CHD3: variants seen among roughly 807,000 people sequenced by gnomAD.
CHD3 encodes the protein chromodomain helicase DNA binding protein 3, also known as ATP-dependent chromatin remodeler CHD3.
A neutral mutation model predicts 248.9 loss-of-function variants in CHD3; 52 were observed. That is an observed-to-expected ratio of 0.21 (90% confidence interval 0.17 to 0.26). CHD3 has a LOEUF of 0.26. CHD3 is among the 10% of genes least tolerant of loss of function. The probability of loss-of-function intolerance (pLI) is 1.00; values close to 1 mark genes in which losing one functional copy is unlikely to be tolerated. For missense variants in CHD3, 1,482 were observed against 2,605.8 expected, an observed-to-expected ratio of 0.57 and a Z score of 9.39; for synonymous variants, 985 against 985.2, an observed-to-expected ratio of 1.00 and a Z score of 0.00.
In CHD3 at chr17:7,894,070, G is replaced by A. The variant is rs371364679; in HGVS notation, c.925-45G>A. ...AGGAAGCCAAAGGCCTGGGGAGGGC[G>A]TAGAATGAAGTCTGCCTCACTGACG... On this transcript the variant is annotated intron_variant, in intron 6 of 39. Coordinates refer to ENST00000330494, the MANE Select transcript of CHD3 (RefSeq NM_001005273.3). 7.6e-5 allele frequency: 115 copies of A among 1,506,762 alleles called. No homozygotes were observed. In the African/African-American group the frequency reaches 1.3e-3, roughly 17 times the overall value. 93.3% of individuals were successfully genotyped at this position (1,506,762 alleles called of 1,614,324 possible). A position where few individuals can be genotyped will look rare whatever the true frequency, so the allele number is the denominator to read the frequency against.
chr17:7,891,194 T>C (rs1051356992), intron 4 of CHD3, 130 bp downstream of exon 4: 2 of 1,091,460 alleles, frequency 1.8e-6, no homozygotes, highest in African/African-American at 1.6e-5. Flanking sequence ...CACCAAATTC[T>C]ACACGTCATT....
Position 7,897,917 on chromosome 17 carries a change from G to A in CHD3, c.1920-54G>A. The A allele has an allele frequency of 6.4e-7, 1 of 1,561,730 alleles. No homozygotes were observed. Among genetic ancestry groups the A allele is most frequent in the Non-Finnish European group, 8.7e-7 (1 of 1,155,042 alleles). ...CGTTTCTCAGGCCTTCTTTCTGTTT[G>A]TGATCTGTGCAATATTTTCCTCCTG... On this transcript the variant is annotated intron_variant, in intron 11 of 39. Transcript: ENST00000330494. The surrounding 1 kb of genome is among the most constrained non-coding windows in gnomAD (Gnocchi z 4.8).
In CHD3 at chr17:7,906,548, C is replaced by T. The variant is rs1412603141; in HGVS notation, c.4359-5C>T. 2 of 1,613,754 alleles carry T rather than the reference C, an allele frequency of 1.2e-6. No individual in the cohort carries two copies. Among genetic ancestry groups the T allele is most frequent in the Middle Eastern group, 1.7e-4 (1 of 6,028 alleles). ...TAACCCTCCTCCCACTCCCATGCTC[C>T]TTAGGGCCTATGTGTCTTTGTTCAT... is the stretch of plus-strand genomic sequence containing the variant. On this transcript the variant is annotated splice_region_variant and splice_polypyrimidine_tract_variant and intron_variant, in intron 28 of 39. Transcript: ENST00000330494. The surrounding 1 kb of genome is among the most constrained non-coding windows in gnomAD (Gnocchi z 5.0).
Position 7,902,568 on chromosome 17 carries a change from C to T in CHD3, c.3253-42C>T, listed in dbSNP as rs750540309. The T allele has an allele frequency of 9.0e-6, 12 of 1,326,044 alleles. No homozygotes were observed. In the African/African-American group the frequency reaches 1.0e-4, roughly 11 times the overall value. The allele number at this position is 1,326,044 out of a possible 1,614,324, so 82.1% of individuals were successfully genotyped here. A position where few individuals can be genotyped will look rare whatever the true frequency, so the allele number is the denominator to read the frequency against. ...GTAGTTAGAATAAGCAAGCATCCCA[C>T]CACCTCATTATTGCAGACTCCATCC... On this transcript the variant is annotated intron_variant, in intron 20 of 39. Transcript: ENST00000330494.
Position 7,890,919 on chromosome 17 carries a change from AC to A in CHD3, c.385-19del. 1 of 1,613,752 alleles carries A rather than the reference AC, an allele frequency of 6.2e-7. No individual in the cohort carries two copies. The highest frequency in any genetic ancestry group is 8.5e-7 in the Non-Finnish European group (1 of 1,179,892). On this transcript the variant is annotated intron_variant, in intron 3 of 39. Transcript: ENST00000330494. ...TAGGGGCTGGAGGAGCACCTACTTC[AC>A]CAAAGCCCCTCTCCCGCAGCAAGTG...
chr17:7,886,820 G>A (rs78044421), upstream of CHD3, among the ~76,000 whole-genome samples: 2,843 of 152,180 alleles, frequency 0.019, 39 homozygotes, highest in Middle Eastern at 0.092. This position sits in a 1 kb window ranked among gnomAD's most constrained non-coding sequence, Gnocchi z 4.2. Flanking sequence ...TCTGGGGTGG[G>A]GTGGTGTGGG....
rs1480561843 is a variant in CHD3 at position 7,909,280 on chromosome 17, G to A, written c.5532G>A (p.Gln1844=). The A allele has an allele frequency of 6.4e-7, 1 of 1,561,566 alleles. No individual in the cohort carries two copies. The highest frequency in any genetic ancestry group is 1.2e-5 in the South Asian group (1 of 84,732). The change falls in exon 37 of 40, where the codon CAG becomes CAA. Residue 1844 remains glutamine, a synonymous_variant. Transcript: ENST00000330494. This position sits in a 1 kb window ranked among gnomAD's most constrained non-coding sequence, Gnocchi z 8.1. ...CCGAGTGCCTGGCCGAGAGCCACCA[G>A]CACCTCTCCAAGGAGTCGCTGGCGG... The part of the protein sequence containing the change: ...AEAECLAESH[Q]HLSKESLAGN...
chr17:7,906,460 T>C lies in CHD3; in HGVS notation c.4359-93T>C, dbSNP rs2151635875. ...CCTGGAGCACCTGGGGATTTGGGGG[T>C]TTGGGGGTCCTCAGTCATCCTCGCG... is the stretch of plus-strand genomic sequence containing the variant. On this transcript the variant is annotated intron_variant, in intron 28 of 39. Coordinates refer to ENST00000330494, the MANE Select transcript of CHD3 (RefSeq NM_001005273.3). This position sits in a 1 kb window ranked among gnomAD's most constrained non-coding sequence, Gnocchi z 5.0. The C allele has an allele frequency of 1.5e-6, 2 of 1,377,666 alleles. No individual in the cohort carries two copies. The highest frequency in any genetic ancestry group is 1.2e-5 in the South Asian group (1 of 80,172). 85.3% of individuals were successfully genotyped at this position (1,377,666 alleles called of 1,614,324 possible).
rs1189094833 is a variant in CHD3 at position 7,898,505 on chromosome 17, T to C, written c.2061T>C (p.Ile687=). The C allele has an allele frequency of 2.5e-6, 4 of 1,613,470 alleles. No homozygotes were observed. The highest frequency in any genetic ancestry group is 3.4e-6 in the Non-Finnish European group (4 of 1,179,634). ...CCCACTCTTTTTCCAGAGAACTAAT[T>C]ATGGGGGAAGACCCTGCCCAGCCCC... is the stretch of plus-strand genomic sequence containing the variant. ...KQSYWRHREL[I]MGEDPAQPRK... is the part of the protein sequence containing the mutation. Residue 687 remains isoleucine (I), a synonymous_variant, in exon 13 of 40, where the codon ATT becomes ATC. Coordinates refer to ENST00000330494, the MANE Select transcript of CHD3 (RefSeq NM_001005273.3).
rs754919272 is a variant in CHD3 at position 7,903,043 on chromosome 17, C to T, written c.3477C>T (p.Asn1159=). The change falls in exon 22 of 40, where the codon AAC becomes AAT. Residue 1159 remains asparagine (N), a synonymous_variant. Coordinates refer to ENST00000330494, the MANE Select transcript of CHD3 (RefSeq NM_001005273.3). The surrounding 1 kb of genome is among the most constrained non-coding windows in gnomAD (Gnocchi z 6.8). Reference sequence around the variant, plus strand: ...TCATCATCTTTGATTCTGACTGGAACCCCCATAATGACATCCAGGTGGGAA... The same window carrying T: ...TCATCATCTTTGATTCTGACTGGAATCCCCATAATGACATCCAGGTGGGAA... ...DTVIIFDSDW[N]PHNDIQAFSR... 1.2e-6 allele frequency: 2 copies of T among 1,614,018 alleles called. No homozygotes were observed.
At position 7,903,751 on chromosome 17, in the gene CHD3, C is replaced by A; in HGVS notation, c.3728-74C>A. 1 of 1,507,184 alleles carries A rather than the reference C, an allele frequency of 6.6e-7. No homozygotes were observed. The highest frequency in any genetic ancestry group is 9.1e-7 in the Non-Finnish European group (1 of 1,100,530). The allele number at this position is 1,507,184 out of a possible 1,614,324, so 93.4% of individuals were successfully genotyped here. A position where few individuals can be genotyped will look rare whatever the true frequency, so the allele number is the denominator to read the frequency against. On this transcript the variant is annotated intron_variant, in intron 23 of 39. Transcript: ENST00000330494. The surrounding 1 kb of genome is among the most constrained non-coding windows in gnomAD (Gnocchi z 6.8). ...CTCTAGGGCTCCTGTGAAAAGGACG[C>A]AGAGTAGAAGCTTTCCCATCAGCCT...
At position 7,895,711 on chromosome 17, in the gene CHD3, A is replaced by G. The variant is rs971032461; in HGVS notation, c.1707+169A>G. On this transcript the variant is annotated intron_variant, in intron 10 of 39. Coordinates refer to ENST00000330494, the MANE Select transcript of CHD3 (RefSeq NM_001005273.3). The surrounding 1 kb of genome is among the most constrained non-coding windows in gnomAD (Gnocchi z 4.9). ...TTTCCATATGTGGTTCTTTTGGTCT[A>G]CAGTCCTCTTTCTCTCAGTCTCCGT... The G allele has an allele frequency of 1.6e-6, 1 of 623,268 alleles. No individual in the cohort carries two copies. Among genetic ancestry groups the G allele is most frequent in the African/African-American group, 1.8e-5 (1 of 54,328 alleles). The allele number at this position is 623,268 out of a possible 1,614,324, so 38.6% of individuals were successfully genotyped here. A position where few individuals can be genotyped will look rare whatever the true frequency, so the allele number is the denominator to read the frequency against.
upstream of CHD3, among the ~76,000 whole-genome samples, chr17:7,885,932 G>A (rs1054765663): frequency 9.9e-5 from 15 of 152,220 alleles, no homozygotes; most frequent in Non-Finnish European, 2.2e-4. Context: ...GGAGCGGAGA[G>A]AAGAGTGTCT....
chr17:7,893,525 T>C lies in CHD3; in HGVS notation c.749T>C (p.Ile250Thr), dbSNP rs904018481. 51 of 1,412,290 alleles carry C rather than the reference T, an allele frequency of 3.6e-5. No individual in the cohort carries two copies. Among genetic ancestry groups the C allele is most frequent in the Non-Finnish European group, 4.8e-5 (49 of 1,023,172 alleles). 87.5% of individuals were successfully genotyped at this position (1,412,290 alleles called of 1,614,324 possible). Residue 250 changes from isoleucine (I) to threonine (T), a missense_variant, in exon 5 of 40, where the codon ATC (isoleucine) becomes ACC (threonine). By Grantham distance (89) the Ile-to-Thr change is moderately conservative. Transcript: ENST00000330494. ...PALPPPPAAD[I>T]QPPPIRRAKT... ...CTTCCACCACCCCCTGCTGCTGATA[T>C]CCAGCCCCCACCCATCCGAAGAGCC...
Position 7,904,355 on chromosome 17 carries a change from T to C in CHD3, c.3895-87T>C. The C allele has an allele frequency of 1.5e-6, 2 of 1,303,636 alleles. No individual in the cohort carries two copies. Among genetic ancestry groups the C allele is most frequent in the South Asian group, 2.7e-5 (2 of 74,586 alleles). 80.8% of individuals were successfully genotyped at this position (1,303,636 alleles called of 1,614,324 possible). On this transcript the variant is annotated intron_variant, in intron 24 of 39. Coordinates refer to ENST00000330494, the MANE Select transcript of CHD3 (RefSeq NM_001005273.3). The surrounding 1 kb of genome is among the most constrained non-coding windows in gnomAD (Gnocchi z 4.4). Reference sequence around the variant, plus strand: ...CAGGAGTGGGGAGACCGGATTGGGCTGACGCAGCAGAGTAGGGATTTCCTT... The same window carrying C: ...CAGGAGTGGGGAGACCGGATTGGGCCGACGCAGCAGAGTAGGGATTTCCTT...
rs769511403 is a variant in CHD3 at position 7,889,473 on chromosome 17, C to T, written c.101-191C>T. 2.0e-5 allele frequency among the ~76,000 whole-genome samples: 3 copies of T among 152,222 alleles called. No homozygotes were observed. The highest frequency in any genetic ancestry group is 2.1e-4 in the South Asian group (1 of 4,830). ...CTCTTCTCTTCTGACCCCTGACCTC[C>T]CATTCAGAACCAGAGCATCCCAGAG... On this transcript the variant is annotated intron_variant, in intron 1 of 39. Transcript: ENST00000330494. This position sits in a 1 kb window ranked among gnomAD's most constrained non-coding sequence, Gnocchi z 4.5.
Position 7,899,749 on chromosome 17 carries a change from T to C in CHD3, c.2545-147T>C. The C allele has an allele frequency of 8.7e-7, 1 of 1,145,638 alleles. No homozygotes were observed. The highest frequency in any genetic ancestry group is 1.3e-6 in the Non-Finnish European group (1 of 794,518). The allele number at this position is 1,145,638 out of a possible 1,614,324, so 71.0% of individuals were successfully genotyped here. A position where few individuals can be genotyped will look rare whatever the true frequency, so the allele number is the denominator to read the frequency against. On this transcript the variant is annotated intron_variant, in intron 15 of 39. Coordinates refer to ENST00000330494, the MANE Select transcript of CHD3 (RefSeq NM_001005273.3). This position sits in a 1 kb window ranked among gnomAD's most constrained non-coding sequence, Gnocchi z 6.8. ...TCGGTACTGGAAATGTGGGCAGAGGTTTAGGAGCCATGGTCTGTAATCCCT... is the reference window on the plus strand; with the variant it reads ...TCGGTACTGGAAATGTGGGCAGAGGCTTAGGAGCCATGGTCTGTAATCCCT...
chr17:7,893,174 T>C, intron 4 of CHD3, 112 bp from the exon 5 acceptor site: 2 of 1,423,720 alleles, frequency 1.4e-6, no homozygotes, highest in African/African-American at 1.4e-5. Context: ...ATAGGACATA[T>C]TCTCACCACC....
Position 7,899,456 on chromosome 17 carries a change from C to T in CHD3, c.2457C>T (p.Asp819=). The change falls in exon 15 of 40, where the codon GAC becomes GAT. Residue 819 remains aspartate, a synonymous_variant. Coordinates refer to ENST00000330494, the MANE Select transcript of CHD3 (RefSeq NM_001005273.3). The surrounding 1 kb of genome is among the most constrained non-coding windows in gnomAD (Gnocchi z 6.8). The part of the protein sequence containing the change: ...PKFYVVTYTG[D]KDSRAIIREN... ...TCTATGTGGTGACATACACGGGTGA[C>T]AAGGACAGCCGGGCCATCATTCGTG... The T allele has an allele frequency of 6.2e-7, 1 of 1,614,108 alleles. No homozygotes were observed. The highest frequency in any genetic ancestry group is 8.5e-7 in the Non-Finnish European group (1 of 1,180,026).
Sources: allele counts gnomAD v4.1 joint callset (sites outside exome capture counted in the v4.1 genomes callset), GRCh38; gene constraint gnomAD v4.1.1; non-coding constraint Gnocchi (gnomAD v3.1); transcripts MANE v1.5; gene names NCBI Gene and HGNC (gene_info 2026-07-23, HGNC 2026-07-21).